The following FLI1 variants were observed in gnomAD, a reference collection of about 807,000 sequenced individuals.
FLI1 encodes Friend leukemia integration 1 transcription factor.
Under a neutral mutation model 53.1 loss-of-function variants are expected in FLI1, and 13 were observed. The observed-to-expected ratio is 0.24, with a 90% CI of 0.16 to 0.39. The LOEUF is 0.39. Among genes scored for constraint, FLI1 ranks in the 10% least tolerant of loss-of-function variants. The pLI is 1.00. For synonymous variants in FLI1, 244 were observed against 236.7 expected, an observed-to-expected ratio of 1.03 and a Z score of -0.28; for missense variants, 424 against 600.5, an observed-to-expected ratio of 0.71 and a Z score of 3.07.
intron 5 of FLI1, among the ~76,000 whole-genome samples, chr11:128,799,843 T>A (rs1942575027): frequency 6.6e-6 from 1 of 152,130 alleles, no homozygotes; most frequent in Non-Finnish European, 1.5e-5. Context: ...TGCAGGTTGG[T>A]GGCTGGGAGA....
At chr11:128,747,165 T>C (rs1357316067) in intron 1 of FLI1, among the ~76,000 whole-genome samples, 1 of 152,174 alleles carries the variant, frequency 6.6e-6, no homozygotes, top group African/African-American at 2.4e-5. Context: ...CAGCAGCCCA[T>C]TGTCTTGAAG....
intron 4 of FLI1, among the ~76,000 whole-genome samples, chr11:128,779,695 A>T (rs1941849901): frequency 6.6e-6 from 1 of 152,190 alleles, no homozygotes; most frequent in South Asian, 2.1e-4. Flanking sequence ...GCTCAAAGAG[A>T]TGAGGGAAAT....
intron 1 of FLI1, among the ~76,000 whole-genome samples, chr11:128,697,694 T>C (rs1029332897): frequency 4.6e-5 from 7 of 152,272 alleles, no homozygotes; most frequent in Non-Finnish European, 1.0e-4. Flanking sequence ...GGAATGGGCA[T>C]ACCAGGACAG....
chr11:128,692,829 G>C (rs960217078), upstream of FLI1: 2 of 152,226 alleles, frequency 1.3e-5, no homozygotes, highest in Admixed American at 1.3e-4. Context: ...CCGGGAGAAG[G>C]GAGTCCGGCC....
At chr11:128,720,741 C>T (rs1939217467) in intron 1 of FLI1, among the ~76,000 whole-genome samples, 1 of 152,244 alleles carries the variant, frequency 6.6e-6, no homozygotes, top group Non-Finnish European at 1.5e-5. Flanking sequence ...CTTCCGTTGT[C>T]AGACTCCGCG....
intron 1 of FLI1, among the ~76,000 whole-genome samples, chr11:128,730,797 T>A (rs1004188796): frequency 2.0e-5 from 3 of 152,264 alleles, no homozygotes; most frequent in Admixed American, 2.0e-4. Flanking sequence ...ATGGAATGAA[T>A]GGTTTTCCCA....
chr11:128,704,075 T>G (rs1439328896), intron 1 of FLI1, among the ~76,000 whole-genome samples: 7 of 152,162 alleles, frequency 4.6e-5, no homozygotes. Context: ...CTTCACTTCC[T>G]CATCATTCAT....
intron 2 of FLI1, among the ~76,000 whole-genome samples, chr11:128,761,820 C>T (rs1425091047): frequency 6.6e-6 from 1 of 152,172 alleles, no homozygotes; most frequent in Non-Finnish European, 1.5e-5. Flanking sequence ...AGTGAACAGA[C>T]AGGATATTTA....
At chr11:128,733,958 G>A (rs978487784) in intron 1 of FLI1, among the ~76,000 whole-genome samples, 12 of 152,226 alleles carry the variant, frequency 7.9e-5, no homozygotes, top group East Asian at 1.9e-4. Context: ...GGAGAGGAGC[G>A]ACAGAGCACA....
At chr11:128,698,217 G>A (rs1268571654) in intron 1 of FLI1, among the ~76,000 whole-genome samples, 1 of 152,190 alleles carries the variant, frequency 6.6e-6, no homozygotes, top group Non-Finnish European at 1.5e-5. Flanking sequence ...GGGAACAGAG[G>A]CTTGACTTCT....
intron 2 of FLI1, 87 bp from the exon 3 acceptor site, chr11:128,768,031 C>T (rs1390911299): frequency 2.0e-5 from 25 of 1,226,880 alleles, no homozygotes; most frequent in Non-Finnish European, 2.6e-5. Context: ...TGCTCATCAT[C>T]GGAGCCCTGG....
chr11:128,802,051 G>C (rs893983052), intron 5 of FLI1, among the ~76,000 whole-genome samples: 3 of 152,194 alleles, frequency 2.0e-5, no homozygotes, highest in Non-Finnish European at 2.9e-5. Context: ...TTTTTGGTCT[G>C]TGACACAAAT....
Position 128,687,260 on chromosome 11 carries a change from G to C in FLI1, c.-203+559G>C, listed in dbSNP as rs367716752. 2.2e-3 allele frequency among the ~76,000 whole-genome samples: 340 copies of C among 151,816 alleles called. 1 individual carries two copies. Among genetic ancestry groups the C allele is most frequent in the Middle Eastern group, 0.02 (6 of 294 alleles). On this transcript the variant is annotated intron_variant, in intron 1 of 6. Coordinates refer to the FLI1 transcript ENST00000344954. The stretch of plus-strand genomic sequence containing the variant: ...TTGCTATATTTGACAGCACATCGAA[G>C]GGTTTTGGTTTTTTTTTTTCTTTTC...
At chr11:128,759,358 G>A (rs541746360) in intron 2 of FLI1, among the ~76,000 whole-genome samples, 3 of 152,358 alleles carry the variant, frequency 2.0e-5, no homozygotes, top group South Asian at 2.1e-4. Flanking sequence ...GAGCACAGAC[G>A]TGACATTTAA....
chr11:128,710,595 G>C (rs1264420098), intron 1 of FLI1, among the ~76,000 whole-genome samples: 3 of 152,098 alleles, frequency 2.0e-5, no homozygotes, highest in Non-Finnish European at 4.4e-5. Flanking sequence ...AAAGAGATTA[G>C]AGAGCATCTC....
intron 3 of FLI1, among the ~76,000 whole-genome samples, chr11:128,772,477 T>C (rs944264907): frequency 1.3e-5 from 2 of 152,218 alleles, no homozygotes; most frequent in African/African-American, 4.8e-5. Flanking sequence ...AAATTGTGTT[T>C]ATTTTCATTT....
At chr11:128,751,154 C>G (rs1467172126) in intron 1 of FLI1, among the ~76,000 whole-genome samples, 1 of 152,180 alleles carries the variant, frequency 6.6e-6, no homozygotes, top group Non-Finnish European at 1.5e-5. Context: ...GCTCTGTACT[C>G]TAGGAGCCCA....
chr11:128,768,118 G>C lies in FLI1; in HGVS notation c.231G>C (p.Arg77Ser). 1 of 1,609,962 alleles carries C rather than the reference G, an allele frequency of 6.2e-7. No homozygotes were observed. The highest frequency in any genetic ancestry group is 8.5e-7 in the Non-Finnish European group (1 of 1,177,530). Residue 77 changes from arginine to serine, a missense_variant and splice_region_variant, in exon 3 of 9, where the codon AGG (arginine) becomes AGC (serine). By Grantham distance (110) the Arg-to-Ser change is moderately radical. Transcript: ENST00000527786. ...TGGGCTTTGTCTCTTCTCACTTTAG[G>C]GAGTCTCCGGTGGACTGCAGCGTTA... Reference protein sequence around the residue: ...KREYDHMNGSRESPVDCSVSK... With the variant: ...KREYDHMNGSSESPVDCSVSK...
upstream of FLI1, among the ~76,000 whole-genome samples, chr11:128,690,874 G>A (rs1236800410): frequency 6.6e-6 from 1 of 152,160 alleles, no homozygotes; most frequent in Non-Finnish European, 1.5e-5. Flanking sequence ...AGCTGTCGCC[G>A]ATGGCACTCA....
Sources: gnomAD v4.1 joint callset for allele counts (sites outside exome capture counted in the v4.1 genomes callset) on GRCh38, gnomAD v4.1.1 for gene constraint, MANE v1.5 for transcripts, NCBI Gene and HGNC (gene_info 2026-07-23, HGNC 2026-07-21) for gene names.